ZSWIM7: variants seen among roughly 807,000 people sequenced by gnomAD.
ZSWIM7 encodes the protein zinc finger SWIM-type containing 7, also known as zinc finger SWIM domain-containing protein 7.
ZSWIM7 carries 22 observed loss-of-function variants against 21.1 expected under a neutral mutation model. The observed-to-expected ratio is 1.04, with a 90% confidence interval of 0.74 to 1.49. The LOEUF is 1.49. Among genes scored for constraint, ZSWIM7 ranks in the 40% most tolerant of loss-of-function variants. ZSWIM7 has a pLI of 0.00. For synonymous variants in ZSWIM7, 67 were observed against 66.5 expected, an observed-to-expected ratio of 1.01 and a Z score of -0.04; for missense variants, 193 against 168.0, an observed-to-expected ratio of 1.15 and a Z score of -0.82.
chr17:15,991,102 T>G (rs552729857), intron 2 of ZSWIM7: 2 of 152,062 alleles, frequency 1.3e-5, no homozygotes, highest in South Asian at 4.1e-4. Context: ...AGTGAGACAC[T>G]GTCTGAAAAA....
chr17:15,987,427 T>G, intron 2 of ZSWIM7, 59 bp from the exon 3 acceptor site: 1 of 1,420,052 alleles, frequency 7.0e-7, no homozygotes, highest in Non-Finnish European at 9.8e-7. Context: ...CCTCAGTAAC[T>G]TGCCCAAAGG....
chr17:15,979,606 CCAGG>C, intron 4 of ZSWIM7, among the ~76,000 whole-genome samples: 1 of 146,054 alleles, frequency 6.8e-6, no homozygotes, highest in African/African-American at 2.6e-5. Context: ...AGGCGGCTGG[CCAGG>C]CGGGGGGCTG....
chr17:15,993,853 C>T (rs1970514308), intron 1 of ZSWIM7, 75 bp from the exon 2 acceptor site: 1 of 1,185,388 alleles, frequency 8.4e-7, no homozygotes, highest in East Asian at 2.4e-5. Context: ...TTAAAAAACA[C>T]TGTAACTAAA....
Position 15,977,963 on chromosome 17 carries a change from C to G in ZSWIM7, c.*84G>C. On this transcript the variant is annotated 3_prime_UTR_variant, in exon 5 of 5. Coordinates refer to ENST00000399277, the MANE Select transcript of ZSWIM7 (RefSeq NM_001042697.2). ...TGAAGTGTCTGAAGATCCATTTCAC[C>G]TCTTTTCCATGTGAATCATGACGCT... 1 of 1,121,924 alleles carries G rather than the reference C, an allele frequency of 8.9e-7. No homozygotes were observed. Among genetic ancestry groups the G allele is most frequent in the Non-Finnish European group, 1.3e-6 (1 of 746,572 alleles). The allele number at this position is 1,121,924 out of a possible 1,614,324, so 69.5% of individuals were successfully genotyped here.
chr17:15,999,456 C>G (rs781493141), intron 1 of ZSWIM7, 63 bp downstream of exon 1: 2 of 1,571,382 alleles, frequency 1.3e-6, no homozygotes, highest in South Asian at 1.1e-5. Flanking sequence ...CCTCCCGGCC[C>G]GGCGGTGCCC....
intron 2 of ZSWIM7, among the ~76,000 whole-genome samples, chr17:15,989,574 T>C (rs1465999834): frequency 6.6e-6 from 1 of 152,058 alleles, no homozygotes; most frequent in Non-Finnish European, 1.5e-5. Flanking sequence ...CGCCTTGGCC[T>C]CTCAAAGTGC....
At chr17:15,989,176 G>T (rs986133172) in intron 2 of ZSWIM7, among the ~76,000 whole-genome samples, 12 of 152,116 alleles carry the variant, frequency 7.9e-5, no homozygotes, top group African/African-American at 2.4e-4. Context: ...ACTGTTAAAT[G>T]ATATACAGGA....
At chr17:15,984,654 T>C (rs1970390017) in intron 3 of ZSWIM7, among the ~76,000 whole-genome samples, 1 of 152,252 alleles carries the variant, frequency 6.6e-6, no homozygotes, top group African/African-American at 2.4e-5. Context: ...TCCTTGTGTT[T>C]GGTGCTTCTC....
intron 2 of ZSWIM7, among the ~76,000 whole-genome samples, chr17:15,990,491 G>A (rs1450356802): frequency 2.0e-5 from 3 of 151,784 alleles, no homozygotes; most frequent in Non-Finnish European, 2.9e-5. Flanking sequence ...GATTACAGGC[G>A]CATCCCACCT....
intron 4 of ZSWIM7, among the ~76,000 whole-genome samples, chr17:15,978,756 T>C (rs1438399347): frequency 1.3e-5 from 2 of 152,198 alleles, no homozygotes; most frequent in South Asian, 2.1e-4. Context: ...CCAGACTACC[T>C]GCACTCCTCA....
chr17:15,981,270 T>C, intron 3 of ZSWIM7, 126 bp from the exon 4 acceptor site: 1 of 627,604 alleles, frequency 1.6e-6, no homozygotes, highest in South Asian at 2.0e-5. Context: ...AGTAATGTTT[T>C]ACATAAAAGA....
chr17:15,979,640 G>A (rs1364991273), intron 4 of ZSWIM7, among the ~76,000 whole-genome samples: 7 of 132,682 alleles, frequency 5.3e-5, no homozygotes, highest in Non-Finnish European at 8.1e-5. Context: ...CCTCCCTCCC[G>A]GACGGGGCGG....
In ZSWIM7 at chr17:15,979,368, A is replaced by G. The variant is rs543095527; in HGVS notation, c.307-1205T>C. Reference sequence around the variant, plus strand: ...TTTTTCTTAGTACAGAACAAAATGGAAAGTCTCCCATGTCTACTTCTTTCC... The same window carrying G: ...TTTTTCTTAGTACAGAACAAAATGGGAAGTCTCCCATGTCTACTTCTTTCC... On this transcript the variant is annotated intron_variant, in intron 4 of 4. Coordinates refer to ENST00000399277, the MANE Select transcript of ZSWIM7 (RefSeq NM_001042697.2). Among the ~76,000 whole-genome samples, 4 of 152,282 alleles carry G rather than the reference A, an allele frequency of 2.6e-5. No homozygotes were observed. The South Asian group carries it at 6.2e-4, about 24-fold the overall frequency.
intron 2 of ZSWIM7, among the ~76,000 whole-genome samples, chr17:15,988,666 A>T (rs11651508): frequency 0.43 from 64,753 of 151,700 alleles, 15,448 homozygotes; most frequent in Middle Eastern, 0.57. Context: ...AAAAGAAAAA[A>T]AAAAACTAAA....
chr17:15,988,489 C>G (rs540310459), intron 2 of ZSWIM7, among the ~76,000 whole-genome samples: 1 of 152,114 alleles, frequency 6.6e-6, no homozygotes, highest in East Asian at 1.9e-4. Flanking sequence ...AGCATATGTT[C>G]ATTTTCAACT....
At chr17:15,983,798 G>A (rs1380663086) in intron 3 of ZSWIM7, among the ~76,000 whole-genome samples, 1 of 152,048 alleles carries the variant, frequency 6.6e-6, no homozygotes, top group African/African-American at 2.4e-5. Flanking sequence ...TGTTGGCCAG[G>A]CTGGTCTTGA....
At position 15,987,274 on chromosome 17, in the gene ZSWIM7, C is replaced by A; in HGVS notation, c.193G>T (p.Val65Phe). 1.2e-6 allele frequency: 2 copies of A among 1,612,028 alleles called. No individual in the cohort carries two copies. The highest frequency in any genetic ancestry group is 1.7e-6 in the Non-Finnish European group (2 of 1,179,148). The part of the protein sequence containing the change: ...TLISSPSGRR[V>F]YQVLGSSSKT... ...CATCTCTAGACTTCTACCTGGTAAA[C>A]ACGCCTTCCACTGGGTGATGAGATT... The change falls in exon 3 of 5, where the codon GTT (valine) becomes TTT (phenylalanine). Residue 65 changes from valine to phenylalanine, a missense_variant. Coordinates refer to ENST00000399277, the MANE Select transcript of ZSWIM7 (RefSeq NM_001042697.2).
At chr17:15,995,676 C>T (rs1006312100) in intron 1 of ZSWIM7, among the ~76,000 whole-genome samples, 1 of 144,516 alleles carries the variant, frequency 6.9e-6, no homozygotes, top group Non-Finnish European at 1.5e-5. Flanking sequence ...ATAAAAGCAA[C>T]ACAGAAGCCA....
chr17:15,992,228 G>A (rs1266808786), intron 2 of ZSWIM7, among the ~76,000 whole-genome samples: 1 of 151,804 alleles, frequency 6.6e-6, no homozygotes, highest in Non-Finnish European at 1.5e-5. Context: ...CACCTGGCCA[G>A]GATTTTTAAA....
Sources: allele counts gnomAD v4.1 joint callset (sites outside exome capture counted in the v4.1 genomes callset), GRCh38; gene constraint gnomAD v4.1.1; transcripts MANE v1.5; gene names NCBI Gene and HGNC (gene_info 2026-07-23, HGNC 2026-07-21).